The following FSIP2 variants were observed in gnomAD, a reference collection of about 807,000 sequenced individuals.
FSIP2 encodes the protein fibrous sheath-interacting protein 2.
FSIP2 carries 367 observed loss-of-function variants against 510.5 expected under a neutral mutation model. The observed-to-expected ratio is 0.72, with a 90% CI of 0.66 to 0.78. FSIP2 has a LOEUF of 0.78. Ranked by LOEUF, FSIP2 falls within the 30% of genes least tolerant of loss-of-function variation. The pLI, the probability that FSIP2 is intolerant of heterozygous loss-of-function variation, is 0.00. For synonymous variants in FSIP2, 2,601 were observed against 2,732.2 expected (o/e 0.95, Z 1.50); for missense variants, 7,594 against 7,901.7 (o/e 0.96, Z 1.48).
chr2:185,800,003 A>G lies in FSIP2; in HGVS notation c.10697A>G (p.Lys3566Arg). ...TTATGTATTTCTGAAATCATTATTA[A>G]AATTCTTTTTAATAATAAAATTATA... Reference protein sequence around the residue: ...LALCISEIIIKILFNNKIIQA... With the variant: ...LALCISEIIIRILFNNKIIQA... The change falls in exon 17 of 23, where the codon AAA (lysine) becomes AGA (arginine). Residue 3566 changes from lysine to arginine, a missense_variant. Coordinates refer to ENST00000424728, the MANE Select transcript of FSIP2 (RefSeq NM_173651.4). 6.6e-7 allele frequency: 1 copy of G among 1,519,252 alleles called. No individual in the cohort carries two copies. The highest frequency in any genetic ancestry group is 2.0e-5 in the Admixed American group (1 of 49,738). 94.1% of individuals were successfully genotyped at this position (1,519,252 alleles called of 1,614,324 possible). A position where few individuals can be genotyped will look rare whatever the true frequency, so the allele number is the denominator to read the frequency against.
chr2:185,795,872 A>G lies in FSIP2; in HGVS notation c.8736A>G (p.Gln2912=), dbSNP rs972133218. The G allele has an allele frequency of 3.8e-5, 59 of 1,532,540 alleles. 1 individual carries two copies. In the Admixed American group the frequency reaches 9.5e-4, roughly 25 times the overall value. The allele number at this position is 1,532,540 out of a possible 1,614,324, so 94.9% of individuals were successfully genotyped here. ...CTAGAGCCGAGGATACTAAAGCACA[A>G]ATTAATATGTTTGGAAGGGAAATTG... The part of the protein sequence containing the change: ...ASTRAEDTKA[Q]INMFGREIVE... Residue 2912 remains glutamine, a synonymous_variant, in exon 16 of 23, where the codon CAA becomes CAG. Coordinates refer to ENST00000424728, the MANE Select transcript of FSIP2 (RefSeq NM_173651.4).
intron 20 of FSIP2, among the ~76,000 whole-genome samples, chr2:185,826,478 T>C (rs574188458): frequency 6.6e-6 from 1 of 151,956 alleles, no homozygotes; most frequent in South Asian, 2.1e-4. Context: ...ATTCCTTACT[T>C]TCAGATCTTG....
At chr2:185,831,238 A>G (rs1325204912) in intron 21 of FSIP2, among the ~76,000 whole-genome samples, 1 of 151,838 alleles carries the variant, frequency 6.6e-6, no homozygotes, top group Non-Finnish European at 1.5e-5. Context: ...CTGAAGCCCC[A>G]ACACCTGTCC....
intron 12 of FSIP2, among the ~76,000 whole-genome samples, chr2:185,764,024 T>G (rs116759663): frequency 6.6e-6 from 1 of 151,484 alleles, no homozygotes; most frequent in African/African-American, 2.4e-5. Flanking sequence ...TAAAAAAAAA[T>G]TTTTTAACAG....
At position 185,793,466 on chromosome 2, in the gene FSIP2, T is replaced by G; in HGVS notation, c.6330T>G (p.Asn2110Lys). The G allele has an allele frequency of 6.5e-7, 1 of 1,534,474 alleles. No homozygotes were observed. Among genetic ancestry groups the G allele is most frequent in the Non-Finnish European group, 8.7e-7 (1 of 1,145,712 alleles). ...DIYEKTLFQN[N>K]LSFATPTLKC... ...ATGAAAAAACCCTGTTTCAGAATAA[T>G]CTCTCATTTGCCACACCCACTCTGA... The change falls in exon 16 of 23, where the codon AAT becomes AAG. Residue 2110 changes from asparagine to lysine, a missense_variant. Physicochemically the swap from Asn to Lys is moderately conservative, Grantham distance 94. Transcript: ENST00000424728.
chr2:185,753,678 A>G (rs1366533319), intron 7 of FSIP2, 44 bp from the exon 8 acceptor site: 1 of 825,496 alleles, frequency 1.2e-6, no homozygotes, highest in South Asian at 2.1e-5. Flanking sequence ...ACATTTCTAA[A>G]TGGCAAGTTA....
In FSIP2 at chr2:185,744,156, T is replaced by C. The variant is rs1691979534; in HGVS notation, c.388-166T>C. Among the ~76,000 whole-genome samples the C allele has an allele frequency of 2.0e-5, 3 of 152,252 alleles. No individual in the cohort carries two copies. The South Asian group carries it at 6.2e-4, about 32-fold the overall frequency. On this transcript the variant is annotated intron_variant, in intron 3 of 22. Transcript: ENST00000424728. Reference sequence around the variant, plus strand: ...AGAGAGATATTACTTACAAGATTGTTAGCAGTTTATTACTCTTTATGCCAA... The same window carrying C: ...AGAGAGATATTACTTACAAGATTGTCAGCAGTTTATTACTCTTTATGCCAA...
rs780023051 is a variant in FSIP2, at chr2:185,828,678, C to T, written c.20517+479C>T. Among the ~76,000 whole-genome samples the T allele has an allele frequency of 2.6e-4, 40 of 151,862 alleles. 1 individual carries two copies. The highest frequency in any genetic ancestry group is 3.4e-3 in the Middle Eastern group (1 of 294). On this transcript the variant is annotated intron_variant, in intron 21 of 22. Coordinates refer to ENST00000424728, the MANE Select transcript of FSIP2 (RefSeq NM_173651.4). The stretch of plus-strand genomic sequence containing the variant: ...GTATTCCTAAACATTACTTCTTTAC[C>T]GGCAGCTTTCCAAAAAGCCCACCTA...
chr2:185,784,416 C>T (rs1431428209), intron 14 of FSIP2, among the ~76,000 whole-genome samples: 1 of 151,934 alleles, frequency 6.6e-6, no homozygotes, highest in Non-Finnish European at 1.5e-5. Context: ...AATTAGCATA[C>T]ACAATGAATA....
intron 8 of FSIP2, among the ~76,000 whole-genome samples, chr2:185,754,395 T>C (rs1692203021): frequency 6.6e-6 from 1 of 151,446 alleles, no homozygotes; most frequent in African/African-American, 2.4e-5. Context: ...TGTAGACTTG[T>C]TTTAACTATC....
At position 185,805,248 on chromosome 2, in the gene FSIP2, A is replaced by C. The variant is rs1693537058; in HGVS notation, c.15942A>C (p.Lys5314Asn). 2 of 1,590,888 alleles carry C rather than the reference A, an allele frequency of 1.3e-6. No homozygotes were observed. ...TAGATATTATGGGCTTGGCTCTAAA[A>C]CTTGCAAATTCTCTGATAAGGGAAT... ...AELDIMGLAL[K>N]LANSLIREFK... Residue 5314 changes from lysine to asparagine, a missense_variant, in exon 17 of 23, where the codon AAA (lysine) becomes AAC (asparagine). Physicochemically the swap from Lys to Asn is moderately conservative, Grantham distance 94. Transcript: ENST00000424728.
At position 185,756,911 on chromosome 2, in the gene FSIP2, T is replaced by C. The variant is rs138793174; in HGVS notation, c.1078+633T>C. Among the ~76,000 whole-genome samples, 711 of 151,484 alleles carry C rather than the reference T, an allele frequency of 4.7e-3. 4 individuals carry two copies. Among genetic ancestry groups the C allele is most frequent in the African/African-American group, 0.016 (674 of 41,442 alleles). ...AATAAAAGAAATACTGTTTAAAATC[T>C]TTTCTTCCCGAGTATGCAATTTGCT... On this transcript the variant is annotated intron_variant, in intron 9 of 22. Coordinates refer to ENST00000424728, the MANE Select transcript of FSIP2 (RefSeq NM_173651.4).
chr2:185,754,335 G>A (rs988077049), intron 8 of FSIP2, among the ~76,000 whole-genome samples: 2 of 151,394 alleles, frequency 1.3e-5, no homozygotes, highest in Non-Finnish European at 3.0e-5. Flanking sequence ...AAATTACAAT[G>A]GGTTTTTCGC....
intron 9 of FSIP2, among the ~76,000 whole-genome samples, chr2:185,760,228 A>G (rs1343385175): frequency 2.7e-5 from 4 of 150,146 alleles, no homozygotes; most frequent in East Asian, 1.9e-4. Flanking sequence ...TTACTTTGAT[A>G]TTTATTTTTC....
In FSIP2 at chr2:185,739,480, GT is replaced by G. The variant is rs1168567394; in HGVS notation, c.225+14del. On this transcript the variant is annotated intron_variant, in intron 2 of 22. Coordinates refer to ENST00000424728, the MANE Select transcript of FSIP2 (RefSeq NM_173651.4). ...CGAATTTCGGTGAAAAGGTGAACAA[GT>G]TTTTATCGTCTTTCTTTCCTTTACC... 6.7e-7 allele frequency: 1 copy of G among 1,488,646 alleles called. No homozygotes were observed. Among genetic ancestry groups the G allele is most frequent in the Non-Finnish European group, 8.9e-7 (1 of 1,122,290 alleles). The allele number at this position is 1,488,646 out of a possible 1,614,324, so 92.2% of individuals were successfully genotyped here.
In FSIP2 at chr2:185,801,615, T is replaced by C; in HGVS notation, c.12309T>C (p.His4103=). 2 of 1,532,926 alleles carry C rather than the reference T, an allele frequency of 1.3e-6. No homozygotes were observed. The highest frequency in any genetic ancestry group is 1.7e-6 in the Non-Finnish European group (2 of 1,145,158). The allele number at this position is 1,532,926 out of a possible 1,614,324, so 95.0% of individuals were successfully genotyped here. Residue 4103 remains histidine, a synonymous_variant, in exon 17 of 23, where the codon CAT becomes CAC. Coordinates refer to ENST00000424728, the MANE Select transcript of FSIP2 (RefSeq NM_173651.4). ...PSCFKEHLIP[H]SYYPLKPEII... is the part of the protein sequence containing the mutation. ...GCTTCAAGGAACATCTCATACCCCA[T>C]TCATATTACCCTCTCAAACCTGAAA...
In FSIP2 at chr2:185,824,512, T is replaced by G. The variant is rs774269440; in HGVS notation, c.20473+32T>G. 4 of 1,291,848 alleles carry G rather than the reference T, an allele frequency of 3.1e-6. No individual in the cohort carries two copies. In the African/African-American group the frequency reaches 4.5e-5, roughly 15 times the overall value. 80.0% of individuals were successfully genotyped at this position (1,291,848 alleles called of 1,614,324 possible). A position where few individuals can be genotyped will look rare whatever the true frequency, so the allele number is the denominator to read the frequency against. ...CTCCTTTTTCTTAAATTAGAGAGTA[T>G]TTTTTACTACTTTGATGTGTTTTTT... On this transcript the variant is annotated intron_variant, in intron 20 of 22. Coordinates refer to ENST00000424728, the MANE Select transcript of FSIP2 (RefSeq NM_173651.4).
Position 185,808,108 on chromosome 2 carries a change from A to G in FSIP2, c.18802A>G (p.Thr6268Ala). The G allele has an allele frequency of 2.5e-6, 4 of 1,605,234 alleles. No individual in the cohort carries two copies. The highest frequency in any genetic ancestry group is 3.4e-6 in the Non-Finnish European group (4 of 1,176,752). The stretch of plus-strand genomic sequence containing the variant: ...TGTTTTAAAGCACTCTGGCTCTTAT[A>G]CTTCTGTATTTAAAGATTTAATGGG... Reference protein sequence around the residue: ...TSVLKHSGSYTSVFKDLMGKS... With the variant: ...TSVLKHSGSYASVFKDLMGKS... The change falls in exon 17 of 23, where the codon ACT becomes GCT. Residue 6268 changes from threonine to alanine, a missense_variant. By Grantham distance (58) the Thr-to-Ala change is moderately conservative. Transcript: ENST00000424728.
chr2:185,774,373 G>A (rs1197764375), intron 13 of FSIP2, among the ~76,000 whole-genome samples: 1 of 152,092 alleles, frequency 6.6e-6, no homozygotes, highest in Non-Finnish European at 1.5e-5. Context: ...GTATGTTATT[G>A]CCTGGAAAGT....
Sources: gnomAD v4.1 joint callset for allele counts (sites outside exome capture counted in the v4.1 genomes callset) on GRCh38, gnomAD v4.1.1 for gene constraint, MANE v1.5 for transcripts, NCBI Gene and HGNC (gene_info 2026-07-23, HGNC 2026-07-21) for gene names.